TRPM3: variants seen among roughly 807,000 people sequenced by gnomAD.
TRPM3 encodes transient receptor potential cation channel subfamily M member 3.
Under a neutral mutation model 181.2 loss-of-function variants are expected in TRPM3, and 77 were observed. The ratio of observed to expected loss-of-function variants is 0.42; its 90% CI spans 0.35 to 0.51. TRPM3 has a LOEUF of 0.51. Ranked by LOEUF, TRPM3 falls within the 20% of genes least tolerant of loss-of-function variation. The pLI, the probability that TRPM3 is intolerant of heterozygous loss-of-function variation, is 0.01. For missense variants in TRPM3, 1,759 were observed against 2,196.7 expected (o/e 0.80, Z 3.98); for synonymous variants, 745 against 796.4 (o/e 0.94, Z 1.09).
chr9:71,333,342 T>C (rs938618125), intron 1 of TRPM3, among the ~76,000 whole-genome samples: 2 of 151,962 alleles, frequency 1.3e-5, no homozygotes, highest in Non-Finnish European at 2.9e-5. Flanking sequence ...TTCATGCCCT[T>C]GGATAATCCT....
intron 22 of TRPM3, among the ~76,000 whole-genome samples, chr9:70,587,959 G>T (rs954997077): frequency 6.6e-6 from 1 of 152,150 alleles, no homozygotes; most frequent in Non-Finnish European, 1.5e-5. Context: ...CCTTCCCCAG[G>T]TTCCTTATCT....
chr9:70,958,735 T>C (rs950060440), intron 1 of TRPM3, among the ~76,000 whole-genome samples: 13 of 151,924 alleles, frequency 8.6e-5, no homozygotes, highest in African/African-American at 1.9e-4. Flanking sequence ...TTATTCACAA[T>C]AGCAAAGACT....
intron 1 of TRPM3, among the ~76,000 whole-genome samples, chr9:70,979,449 A>G (rs1390159793): frequency 6.6e-6 from 1 of 152,190 alleles, no homozygotes; most frequent in East Asian, 1.9e-4. Flanking sequence ...GGGGGGATCC[A>G]ACTGTATACA....
intron 1 of TRPM3, among the ~76,000 whole-genome samples, chr9:70,887,884 C>G (rs1474931728): frequency 6.6e-6 from 1 of 152,196 alleles, no homozygotes; most frequent in Non-Finnish European, 1.5e-5. Context: ...CCATAACCAT[C>G]ATATGATGAA....
chr9:70,739,754 A>T (rs1249342615), intron 8 of TRPM3, among the ~76,000 whole-genome samples: 1 of 152,018 alleles, frequency 6.6e-6, no homozygotes, highest in African/African-American at 2.4e-5. Context: ...ATTAGGTGGG[A>T]TTAGAGGCAC....
At chr9:70,668,690 A>AAAAAAAAAAAAAAT (rs2062304962) in intron 9 of TRPM3, among the ~76,000 whole-genome samples, 1 of 150,824 alleles carries the variant, frequency 6.6e-6, no homozygotes, top group Non-Finnish European at 1.5e-5. Context: ...AAAAAAAAAA[A>AAAAAAAAAAAAAAT]AAAAAAAGAA....
At chr9:71,224,043 A>G (rs2080416226) in intron 1 of TRPM3, among the ~76,000 whole-genome samples, 1 of 152,186 alleles carries the variant, frequency 6.6e-6, no homozygotes, top group African/African-American at 2.4e-5. Flanking sequence ...TTAAGTAAAC[A>G]TAGGCAATAG....
At chr9:71,354,530 G>A (rs2091814163) in intron 1 of TRPM3, among the ~76,000 whole-genome samples, 1 of 152,172 alleles carries the variant, frequency 6.6e-6, no homozygotes, top group Admixed American at 6.5e-5. Context: ...AATTTTAAAA[G>A]TTATTTTATT....
chr9:71,343,378 G>A (rs559279040), intron 1 of TRPM3, among the ~76,000 whole-genome samples: 2 of 152,138 alleles, frequency 1.3e-5, no homozygotes, highest in South Asian at 4.1e-4. Context: ...GTGTGGGGAG[G>A]GGATTCAAAT....
chr9:70,911,025 C>G (rs568982224), intron 1 of TRPM3, among the ~76,000 whole-genome samples: 1 of 152,280 alleles, frequency 6.6e-6, no homozygotes, highest in African/African-American at 2.4e-5. Context: ...TTTACTGAGT[C>G]TGAAAAGTGT....
chr9:70,844,231 A>T (rs1337901200), intron 4 of TRPM3, among the ~76,000 whole-genome samples: 1 of 152,210 alleles, frequency 6.6e-6, no homozygotes, highest in Non-Finnish European at 1.5e-5. Context: ...CAATTTAATC[A>T]TGGGAAAAGA....
intron 5 of TRPM3, 29 bp from the exon 6 acceptor site, chr9:70,828,047 AGTC>A: frequency 6.3e-7 from 1 of 1,591,938 alleles, no homozygotes; most frequent in Non-Finnish European, 8.6e-7. Context: ...AAGAGGCAGA[AGTC>A]AGAAAAAAAG....
chr9:71,318,301 A>G (rs1423283011), intron 1 of TRPM3, among the ~76,000 whole-genome samples: 3 of 152,186 alleles, frequency 2.0e-5, no homozygotes, highest in African/African-American at 7.2e-5. Flanking sequence ...ATATGTCATT[A>G]TTTTTGACAA....
chr9:71,132,511 G>C (rs1219679506), intron 1 of TRPM3, among the ~76,000 whole-genome samples: 2 of 152,104 alleles, frequency 1.3e-5, no homozygotes, highest in Non-Finnish European at 2.9e-5. Context: ...CATTTTCAGG[G>C]TGATAAAAAT....
At chr9:70,693,534 T>G (rs2069211388) in intron 8 of TRPM3, among the ~76,000 whole-genome samples, 1 of 152,236 alleles carries the variant, frequency 6.6e-6, no homozygotes, top group Admixed American at 6.5e-5. Flanking sequence ...ATATTTTCTG[T>G]ACTTCCCTTT....
intron 17 of TRPM3, among the ~76,000 whole-genome samples, chr9:70,616,747 T>C (rs1367963693): frequency 1.3e-5 from 2 of 152,028 alleles, no homozygotes; most frequent in Admixed American, 6.6e-5. Flanking sequence ...GAGAGTCCCC[T>C]TACACACAAG....
At chr9:71,446,900 G>T, upstream of TRPM3, 4 of 1,427,922 alleles carry the variant, frequency 2.8e-6, no homozygotes, top group Non-Finnish European at 3.7e-6. Context: ...GCTCCTCGCC[G>T]CGGGTCTCCC....
chr9:71,444,694 C>T (rs1236628622), intron 1 of TRPM3, among the ~76,000 whole-genome samples: 5 of 152,178 alleles, frequency 3.3e-5, no homozygotes, highest in Non-Finnish European at 7.3e-5. Flanking sequence ...TGATTTCCTT[C>T]CTCCTGTTTG....
intron 1 of TRPM3, among the ~76,000 whole-genome samples, chr9:71,415,597 A>C (rs2093624749): frequency 6.6e-6 from 1 of 152,056 alleles, no homozygotes; most frequent in African/African-American, 2.4e-5. Context: ...AATTACAAGC[A>C]GACTTTGATA....
Sources: allele counts gnomAD v4.1 joint callset (sites outside exome capture counted in the v4.1 genomes callset), GRCh38; gene constraint gnomAD v4.1.1; transcripts MANE v1.5; gene names NCBI Gene and HGNC (gene_info 2026-07-23, HGNC 2026-07-21).